The following GSG1L variants were observed in gnomAD, a reference collection of about 807,000 sequenced individuals.
GSG1L encodes the protein germ cell-specific gene 1-like protein.
GSG1L carries 24 observed loss-of-function variants against 42.1 expected under a neutral mutation model. The observed-to-expected ratio is 0.57, with a 90% CI of 0.41 to 0.80. The LOEUF is 0.80. Among genes scored for constraint, GSG1L ranks in the 30% least tolerant of loss-of-function variants. The pLI, the probability that GSG1L is intolerant of heterozygous loss-of-function variation, is 0.00. For missense variants in GSG1L, 445 were observed against 472.2 expected (o/e 0.94, Z 0.53); for synonymous variants, 215 against 203.5 (o/e 1.06, Z -0.48).
intron 1 of GSG1L, among the ~76,000 whole-genome samples, chr16:27,989,727 G>A (rs2085433301): frequency 6.9e-6 from 1 of 144,252 alleles, no homozygotes; most frequent in South Asian, 2.3e-4. Flanking sequence ...GCAACAGAGT[G>A]AGACTCAGTC....
intron 2 of GSG1L, among the ~76,000 whole-genome samples, chr16:27,885,088 A>AACT (rs1197225875): frequency 6.6e-6 from 1 of 152,172 alleles, no homozygotes; most frequent in East Asian, 1.9e-4. Context: ...TAGGCCAGTT[A>AACT]GTGAGAGGTT....
intron 2 of GSG1L, among the ~76,000 whole-genome samples, chr16:27,954,222 G>A (rs1320329961): frequency 6.6e-6 from 1 of 152,130 alleles, no homozygotes; most frequent in African/African-American, 2.4e-5. Flanking sequence ...AATCATTACA[G>A]TTAAGGAATA....
At chr16:27,985,357 T>C (rs2085369563) in intron 1 of GSG1L, among the ~76,000 whole-genome samples, 1 of 152,054 alleles carries the variant, frequency 6.6e-6, no homozygotes, top group Admixed American at 6.6e-5. Context: ...CGAGAGCTGG[T>C]TGTTTAAAAA....
intron 2 of GSG1L, among the ~76,000 whole-genome samples, chr16:27,959,742 A>G (rs1029021729): frequency 1.3e-5 from 2 of 152,114 alleles, no homozygotes; most frequent in African/African-American, 2.4e-5. Flanking sequence ...CGATCGCACC[A>G]CTGCACTACA....
intron 1 of GSG1L, among the ~76,000 whole-genome samples, chr16:28,043,733 C>T (rs755930235): frequency 5.9e-5 from 9 of 152,240 alleles, no homozygotes; most frequent in Non-Finnish European, 1.2e-4. Flanking sequence ...CTTTGAAAGA[C>T]GGTTTGGGCC....
intron 3 of GSG1L, among the ~76,000 whole-genome samples, chr16:27,872,232 G>A (rs950939430): frequency 3.9e-5 from 6 of 152,162 alleles, no homozygotes; most frequent in African/African-American, 1.4e-4. Flanking sequence ...GGAGTGAGGA[G>A]ACCATGCGTA....
chr16:27,912,253 C>T (rs899567389), intron 2 of GSG1L, among the ~76,000 whole-genome samples: 3 of 152,186 alleles, frequency 2.0e-5, no homozygotes, highest in African/African-American at 7.2e-5. Context: ...GTGGCTCATG[C>T]CTATAATCCT....
intron 1 of GSG1L, among the ~76,000 whole-genome samples, chr16:28,003,855 C>T (rs1185834396): frequency 6.6e-6 from 1 of 152,194 alleles, no homozygotes; most frequent in Admixed American, 6.5e-5. Flanking sequence ...ACCCCAGAAG[C>T]AGGGGCAACA....
intron 1 of GSG1L, among the ~76,000 whole-genome samples, chr16:27,988,873 T>C (rs1596678741): frequency 6.6e-6 from 1 of 151,100 alleles, no homozygotes; most frequent in Non-Finnish European, 1.5e-5. Context: ...GCTAACATGG[T>C]GAAACCCCGT....
At chr16:27,855,538 G>A (rs535879292) in intron 3 of GSG1L, among the ~76,000 whole-genome samples, 2 of 152,042 alleles carry the variant, frequency 1.3e-5, no homozygotes, top group South Asian at 2.1e-4. Flanking sequence ...TGGACAACAT[G>A]GTGAAACCCC....
intron 4 of GSG1L, among the ~76,000 whole-genome samples, chr16:27,835,343 A>G (rs1360310477): frequency 6.6e-6 from 1 of 152,136 alleles, no homozygotes; most frequent in African/African-American, 2.4e-5. Context: ...TAATGCTTAC[A>G]TGATAGATGA....
intron 3 of GSG1L, among the ~76,000 whole-genome samples, chr16:27,855,719 CAA>C (rs397686463): frequency 0.034 from 2,091 of 61,608 alleles, 25 homozygotes; most frequent in African/African-American, 0.12. Flanking sequence ...GACTCAGTCT[CAA>C]AAAAAAAAAA....
intron 4 of GSG1L, among the ~76,000 whole-genome samples, chr16:27,831,065 G>C (rs1397475821): frequency 6.6e-6 from 1 of 152,200 alleles, no homozygotes; most frequent in Non-Finnish European, 1.5e-5. Context: ...TAATTGGTTG[G>C]GGGGTGGGCA....
At chr16:27,837,304 C>T (rs1328563437) in intron 4 of GSG1L, among the ~76,000 whole-genome samples, 1 of 152,194 alleles carries the variant, frequency 6.6e-6, no homozygotes, top group Non-Finnish European at 1.5e-5. Context: ...GATCAAATTA[C>T]CTCCACCTGG....
rs144176085 is a variant in GSG1L, at chr16:27,932,972, C to T, written c.397+30184G>A. Among the ~76,000 whole-genome samples the T allele has an allele frequency of 6.6e-5, 10 of 152,178 alleles. 1 individual carries two copies. The highest frequency in any genetic ancestry group is 5.9e-4 in the Admixed American group (9 of 15,280). ...AGACTCACAAGCAAGAAAAATAATG[C>T]TTGGTTATGGAAGCCACTTGCTGAG... On this transcript the variant is annotated intron_variant, in intron 2 of 6. Coordinates refer to ENST00000447459, the MANE Select transcript of GSG1L (RefSeq NM_001109763.2).
intron 5 of GSG1L, among the ~76,000 whole-genome samples, chr16:27,825,786 A>C (rs2083201907): frequency 6.6e-6 from 1 of 152,146 alleles, no homozygotes; most frequent in South Asian, 2.1e-4. Context: ...GGGAGTTCTC[A>C]TGAGATCTAA....
chr16:27,905,857 A>G (rs957542817), intron 2 of GSG1L, among the ~76,000 whole-genome samples: 2 of 151,868 alleles, frequency 1.3e-5, no homozygotes, highest in Admixed American at 6.6e-5. Context: ...CCCTTCCCCC[A>G]CCTTCCCACT....
intron 1 of GSG1L, among the ~76,000 whole-genome samples, chr16:27,979,101 C>T (rs1012651491): frequency 1.3e-5 from 2 of 152,094 alleles, no homozygotes; most frequent in East Asian, 3.9e-4. Context: ...TCTCTAAGCC[C>T]TTTCCTTGCT....
At chr16:27,938,718 A>G (rs574761836) in intron 2 of GSG1L, among the ~76,000 whole-genome samples, 1 of 152,358 alleles carries the variant, frequency 6.6e-6, no homozygotes, top group South Asian at 2.1e-4. Context: ...TAAGAAGGTG[A>G]GGATGGATGG....
Sources: gnomAD v4.1 joint callset for allele counts (sites outside exome capture counted in the v4.1 genomes callset) on GRCh38, gnomAD v4.1.1 for gene constraint, MANE v1.5 for transcripts, NCBI Gene and HGNC (gene_info 2026-07-23, HGNC 2026-07-21) for gene names.